The following SYN3 variants were observed in gnomAD, a reference collection of about 807,000 sequenced individuals.
SYN3 encodes the protein synapsin III.
In SYN3, 35 loss-of-function variants were observed where a neutral mutation model predicts 65.8. The ratio of observed to expected loss-of-function variants is 0.53; its 90% confidence interval spans 0.41 to 0.70. The LOEUF is 0.70. Among genes scored for constraint, SYN3 ranks in the 30% least tolerant of loss-of-function variants. The pLI is 0.00. For synonymous variants in SYN3, 270 were observed against 292.9 expected, an observed-to-expected ratio of 0.92 and a Z score of 0.80; for missense variants, 680 against 749.0, an observed-to-expected ratio of 0.91 and a Z score of 1.08.
chr22:32,794,432 C>T (rs572537162), intron 6 of SYN3, among the ~76,000 whole-genome samples: 2 of 152,114 alleles, frequency 1.3e-5, no homozygotes, highest in Non-Finnish European at 2.9e-5. Flanking sequence ...ACTGAGGGAG[C>T]CTCATCTAGT....
At chr22:32,754,396 C>A (rs2045231881) in intron 6 of SYN3, among the ~76,000 whole-genome samples, 1 of 152,162 alleles carries the variant, frequency 6.6e-6, no homozygotes, top group Non-Finnish European at 1.5e-5. Flanking sequence ...AGGTGATCTG[C>A]CCGCCTTGGC....
chr22:32,660,440 T>TA (rs2060201108), intron 6 of SYN3, among the ~76,000 whole-genome samples: 1 of 152,140 alleles, frequency 6.6e-6, no homozygotes, highest in African/African-American at 2.4e-5. Context: ...CATTCTAGCA[T>TA]ATTCCCTAAC....
At chr22:32,516,354 T>TGATTG (rs1168918062) in intron 13 of SYN3, among the ~76,000 whole-genome samples, 1 of 146,364 alleles carries the variant, frequency 6.8e-6, no homozygotes, top group Non-Finnish European at 1.5e-5. Context: ...TTGATTTATT[T>TGATTG]ATTTATTTAT....
At chr22:32,803,124 G>A (rs890560046) in intron 6 of SYN3, among the ~76,000 whole-genome samples, 5 of 152,142 alleles carry the variant, frequency 3.3e-5, no homozygotes, top group Admixed American at 6.5e-5. Context: ...CCCATAAAGC[G>A]TGCAAGTCCA....
chr22:32,817,348 A>C (rs1394983813), intron 6 of SYN3, among the ~76,000 whole-genome samples: 1 of 152,206 alleles, frequency 6.6e-6, no homozygotes, highest in African/African-American at 2.4e-5. Context: ...TGTTTAATCC[A>C]GTGTTCTCTG....
intron 1 of SYN3, among the ~76,000 whole-genome samples, chr22:33,018,605 G>A (rs2053509973): frequency 6.6e-6 from 1 of 152,220 alleles, no homozygotes; most frequent in Admixed American, 6.5e-5. Flanking sequence ...CAGAAGTAAG[G>A]TGAAAATCAT....
intron 4 of SYN3, among the ~76,000 whole-genome samples, chr22:32,917,762 T>G (rs1052187641): frequency 6.6e-6 from 1 of 152,184 alleles, no homozygotes; most frequent in Non-Finnish European, 1.5e-5. Context: ...CCCAGGGGAG[T>G]TGGCAGATCT....
chr22:32,859,504 T>A, intron 6 of SYN3: 3 of 1,194,526 alleles, frequency 2.5e-6, no homozygotes, highest in Non-Finnish European at 3.5e-6. Context: ...TTGGAACATT[T>A]AAAGAAAGGT....
intron 12 of SYN3, among the ~76,000 whole-genome samples, chr22:32,521,114 A>T (rs2057873592): frequency 6.6e-6 from 1 of 152,212 alleles, no homozygotes; most frequent in Admixed American, 6.5e-5. Context: ...CCAACCAGGT[A>T]TGTAAATAAA....
rs570597569 is a variant in SYN3, at chr22:32,804,570, C to T, written c.711+60345G>A. Among the ~76,000 whole-genome samples the T allele has an allele frequency of 7.9e-4, 120 of 152,334 alleles. 2 individuals carry two copies. The highest frequency in any genetic ancestry group is 2.6e-3 in the African/African-American group (106 of 41,566). On this transcript the variant is annotated intron_variant, in intron 6 of 13. Coordinates refer to ENST00000358763, the MANE Select transcript of SYN3 (RefSeq NM_003490.4). ...TGCCATGTTGGCCTAGCAAAAGGCA[C>T]AGGAGGCCTGGCCTGGTCCTCTCCG... is the stretch of plus-strand genomic sequence containing the variant.
intron 3 of SYN3, among the ~76,000 whole-genome samples, chr22:32,939,597 G>C (rs920603139): frequency 3.3e-5 from 5 of 152,278 alleles, no homozygotes; most frequent in Admixed American, 2.0e-4. Flanking sequence ...TCGTGAACTT[G>C]CTATAAATGA....
intron 1 of SYN3, among the ~76,000 whole-genome samples, chr22:33,046,453 C>T (rs1285182530): frequency 6.6e-6 from 1 of 152,188 alleles, no homozygotes; most frequent in Non-Finnish European, 1.5e-5. Flanking sequence ...TGTGCAGTGG[C>T]TCACACCTGT....
intron 6 of SYN3, among the ~76,000 whole-genome samples, chr22:32,665,229 C>T (rs1431228874): frequency 6.6e-5 from 10 of 151,916 alleles, no homozygotes; most frequent in Admixed American, 5.2e-4. Flanking sequence ...AACTCCTGGC[C>T]TCAGGTGATC....
At chr22:33,016,719 T>C (rs1188100624) in intron 1 of SYN3, among the ~76,000 whole-genome samples, 1 of 152,252 alleles carries the variant, frequency 6.6e-6, no homozygotes, top group Non-Finnish European at 1.5e-5. Context: ...GAAATGTCTA[T>C]TTGGTTTACT....
At chr22:33,034,669 A>G (rs1162611054) in intron 1 of SYN3, among the ~76,000 whole-genome samples, 1 of 152,178 alleles carries the variant, frequency 6.6e-6, no homozygotes, top group Non-Finnish European at 1.5e-5. Context: ...TGAGCGAATT[A>G]CAAGCACCAT....
intron 6 of SYN3, among the ~76,000 whole-genome samples, chr22:32,638,970 T>C (rs1255215972): frequency 6.6e-6 from 1 of 152,156 alleles, no homozygotes; most frequent in Non-Finnish European, 1.5e-5. Flanking sequence ...ATCTTTTTTT[T>C]TGAGACAGAG....
chr22:32,774,634 C>T (rs1034697994), intron 6 of SYN3, among the ~76,000 whole-genome samples: 1 of 152,054 alleles, frequency 6.6e-6, no homozygotes, highest in Admixed American at 6.6e-5. Flanking sequence ...GTTTTCTTGC[C>T]CAGGCTGGAG....
chr22:32,556,458 A>G (rs1456717637), intron 7 of SYN3, among the ~76,000 whole-genome samples: 1 of 152,228 alleles, frequency 6.6e-6, no homozygotes, highest in Admixed American at 6.5e-5. Flanking sequence ...CAATCTAGAA[A>G]CGAAACTACT....
At chr22:32,756,002 G>A (rs564731933) in intron 6 of SYN3, among the ~76,000 whole-genome samples, 97 of 150,994 alleles carry the variant, frequency 6.4e-4, no homozygotes, top group African/African-American at 2.0e-3. Context: ...GTTTTTACTC[G>A]TAAGTGGGAG....
Sources: allele counts gnomAD v4.1 joint callset (sites outside exome capture counted in the v4.1 genomes callset), GRCh38; gene constraint gnomAD v4.1.1; transcripts MANE v1.5; gene names NCBI Gene and HGNC (gene_info 2026-07-23, HGNC 2026-07-21).